AGBL4: variants seen among roughly 807,000 people sequenced by gnomAD.
AGBL4 encodes the protein AGBL carboxypeptidase 4.
AGBL4 carries 58 observed loss-of-function variants against 66.4 expected under a neutral mutation model. The observed-to-expected ratio is 0.87, with a 90% confidence interval of 0.71 to 1.09. AGBL4 has a LOEUF of 1.09. Ranked by LOEUF, AGBL4 falls within the 50% of genes least tolerant of loss-of-function variation. The pLI is 0.00. For synonymous variants in AGBL4, 234 were observed against 222.9 expected, an observed-to-expected ratio of 1.05 and a Z score of -0.44; for missense variants, 579 against 631.0, an observed-to-expected ratio of 0.92 and a Z score of 0.88.
At chr1:48,716,181 G>T (rs1647047405) in intron 6 of AGBL4, among the ~76,000 whole-genome samples, 1 of 152,172 alleles carries the variant, frequency 6.6e-6, no homozygotes, top group Admixed American at 6.5e-5. Flanking sequence ...TCTGAAACAT[G>T]ATTATCCTAC....
At chr1:49,019,617 G>A (rs182210325) in intron 5 of AGBL4, among the ~76,000 whole-genome samples, 18 of 152,256 alleles carry the variant, frequency 1.2e-4, no homozygotes, top group Admixed American at 9.8e-4. Context: ...ACTAAGTGAC[G>A]AGAAAGAAAC....
At chr1:49,161,797 T>A (rs1468621573) in intron 4 of AGBL4, among the ~76,000 whole-genome samples, 1 of 152,146 alleles carries the variant, frequency 6.6e-6, no homozygotes, top group Non-Finnish European at 1.5e-5. Context: ...ACTGCAATGT[T>A]CCAACCATAG....
chr1:48,774,761 T>C (rs1023074178), intron 6 of AGBL4, among the ~76,000 whole-genome samples: 1 of 152,216 alleles, frequency 6.6e-6, no homozygotes, highest in Non-Finnish European at 1.5e-5. Flanking sequence ...TCTGCCTAAG[T>C]GGCCTCTCTG....
intron 5 of AGBL4, among the ~76,000 whole-genome samples, chr1:49,018,465 G>A (rs529935949): frequency 1.3e-4 from 20 of 152,282 alleles, no homozygotes; most frequent in Admixed American, 2.6e-4. Flanking sequence ...CATGCCTGAG[G>A]TAGTGGTAAT....
intron 11 of AGBL4, among the ~76,000 whole-genome samples, chr1:48,544,338 A>G (rs886255607): frequency 6.6e-6 from 1 of 152,236 alleles, no homozygotes; most frequent in African/African-American, 2.4e-5. Context: ...GCAGAGAGGA[A>G]AGCAGAGGTT....
chr1:49,634,988 G>T (rs1446342644), intron 3 of AGBL4, among the ~76,000 whole-genome samples: 1 of 152,212 alleles, frequency 6.6e-6, no homozygotes, highest in Non-Finnish European at 1.5e-5. Flanking sequence ...GTGAACTGAT[G>T]ATTGCCAATC....
chr1:48,556,472 G>A (rs957593725), intron 11 of AGBL4, among the ~76,000 whole-genome samples: 3 of 152,216 alleles, frequency 2.0e-5, no homozygotes, highest in South Asian at 4.2e-4. Flanking sequence ...TATATCCCAC[G>A]CGTTCATTCA....
chr1:49,197,750 C>A (rs1434202117), intron 4 of AGBL4, among the ~76,000 whole-genome samples: 1 of 152,150 alleles, frequency 6.6e-6, no homozygotes, highest in African/African-American at 2.4e-5. Context: ...GCTACCCAGG[C>A]CAAAACCATG....
intron 6 of AGBL4, among the ~76,000 whole-genome samples, chr1:48,816,418 G>C (rs1196733689): frequency 6.6e-6 from 1 of 152,160 alleles, no homozygotes; most frequent in Admixed American, 6.5e-5. Context: ...CAGAACTGTG[G>C]TGGGGCCTGG....
At position 49,538,494 on chromosome 1, in the gene AGBL4, G is replaced by A. The variant is rs1055252114; in HGVS notation, c.282+158819C>T. Among the ~76,000 whole-genome samples, 8 of 152,228 alleles carry A rather than the reference G, an allele frequency of 5.3e-5. No homozygotes were observed. The East Asian group carries it at 5.8e-4, about 11-fold the overall frequency. Reference sequence around the variant, plus strand: ...GACTTTATCACTATGCAATATATCCGTGTAACAAAATACAATTATTTTAAA... The same window carrying A: ...GACTTTATCACTATGCAATATATCCATGTAACAAAATACAATTATTTTAAA... On this transcript the variant is annotated intron_variant, in intron 3 of 13. Transcript: ENST00000371839.
chr1:49,323,905 G>C (rs1205411077), intron 3 of AGBL4, among the ~76,000 whole-genome samples: 1 of 152,106 alleles, frequency 6.6e-6, no homozygotes, highest in East Asian at 1.9e-4. Context: ...TTAGCATTTA[G>C]TTTATAATGA....
chr1:49,314,338 T>G (rs2148465779), intron 3 of AGBL4, among the ~76,000 whole-genome samples: 1 of 152,130 alleles, frequency 6.6e-6, no homozygotes, highest in African/African-American at 2.4e-5. Flanking sequence ...ACCTATTAAC[T>G]CGTCATCTAC....
At chr1:49,654,125 C>T (rs920988470) in intron 3 of AGBL4, among the ~76,000 whole-genome samples, 2 of 152,146 alleles carry the variant, frequency 1.3e-5, no homozygotes, top group African/African-American at 4.8e-5. Context: ...CAGCAGACCT[C>T]TTAGTGGAAA....
intron 8 of AGBL4, among the ~76,000 whole-genome samples, chr1:48,646,606 G>T (rs1323837584): frequency 2.7e-5 from 4 of 149,670 alleles, no homozygotes; most frequent in Non-Finnish European, 5.9e-5. Flanking sequence ...TATGGTTAAT[G>T]AAGTTTTGTT....
At chr1:49,830,927 G>C (rs372606010) in intron 2 of AGBL4, among the ~76,000 whole-genome samples, 3 of 152,216 alleles carry the variant, frequency 2.0e-5, no homozygotes, top group Admixed American at 1.3e-4. Flanking sequence ...TAGATGTGTG[G>C]TGTTATTTCT....
At chr1:49,012,192 T>C (rs1026280132) in intron 5 of AGBL4, among the ~76,000 whole-genome samples, 3 of 152,222 alleles carry the variant, frequency 2.0e-5, no homozygotes, top group Middle Eastern at 3.4e-3. Flanking sequence ...AATTTTCTTG[T>C]CTTTTTGCTC....
At chr1:48,967,045 CAGACACACACACACACATACACAA>C (rs1658492906) in intron 5 of AGBL4, among the ~76,000 whole-genome samples, 1 of 127,232 alleles carries the variant, frequency 7.9e-6, no homozygotes, top group African/African-American at 2.8e-5. Flanking sequence ...AACACACACA[CAGACACACACACACACATACACAA>C]AGACACACAC....
intron 6 of AGBL4, among the ~76,000 whole-genome samples, chr1:48,718,372 G>A (rs1557900989): frequency 6.6e-6 from 1 of 152,212 alleles, no homozygotes; most frequent in Non-Finnish European, 1.5e-5. Flanking sequence ...GAGCCAACAA[G>A]GCTTTCTGCT....
chr1:49,876,190 G>A (rs1325942561), intron 1 of AGBL4, among the ~76,000 whole-genome samples: 1 of 141,542 alleles, frequency 7.1e-6, no homozygotes, highest in Non-Finnish European at 1.5e-5. Flanking sequence ...TTTTGGCTTT[G>A]GTTGCCATTG....
Sources: allele counts gnomAD v4.1 joint callset (sites outside exome capture counted in the v4.1 genomes callset), GRCh38; gene constraint gnomAD v4.1.1; transcripts MANE v1.5; gene names NCBI Gene and HGNC (gene_info 2026-07-23, HGNC 2026-07-21).